The following MRPL13 variants were observed in gnomAD, a reference collection of about 807,000 sequenced individuals.
The protein encoded by MRPL13 is mitochondrial ribosomal protein L13.
MRPL13 carries 33 observed loss-of-function variants against 29.0 expected under a neutral mutation model. The ratio of observed to expected loss-of-function variants is 1.14; its 90% CI spans 0.86 to 1.52. MRPL13 has a LOEUF of 1.52. Ranked by LOEUF, MRPL13 falls within the 40% of genes most tolerant of loss-of-function variation. MRPL13 has a pLI of 0.00. For synonymous variants in MRPL13, 77 were observed against 68.4 expected (o/e 1.13, Z -0.62); for missense variants, 227 against 216.7 (o/e 1.05, Z -0.30).
intron 3 of MRPL13, among the ~76,000 whole-genome samples, chr8:120,427,802 GA>G (rs971370781): frequency 1.6e-4 from 24 of 150,990 alleles, no homozygotes; most frequent in Middle Eastern, 3.4e-3. Flanking sequence ...CATCTCAAAA[GA>G]AAAAAAACTT....
Position 120,419,904 on chromosome 8 carries a change from T to G in MRPL13, c.341A>C (p.Lys114Thr). ...VKLAIYGMLP[K>T]NLHRRTMMER... ...CATCATTGTTCTTCTGTGAAGGTTT[T>G]TTGGCAGCATGCCATAAATAGCTAG... Residue 114 changes from lysine (K) to threonine (T), a missense_variant, in exon 5 of 7, where the codon AAA becomes ACA. By Grantham distance (78) the Lys-to-Thr change is moderately conservative. Transcript: ENST00000306185. The G allele has an allele frequency of 6.3e-7, 1 of 1,596,700 alleles. No homozygotes were observed. Among genetic ancestry groups the G allele is most frequent in the Non-Finnish European group, 8.5e-7 (1 of 1,171,718 alleles).
intron 6 of MRPL13, among the ~76,000 whole-genome samples, chr8:120,409,277 T>C (rs181906181): frequency 6.6e-6 from 1 of 152,216 alleles, no homozygotes; most frequent in Non-Finnish European, 1.5e-5. Context: ...TCAAGTTGAA[T>C]TTTTTCACAT....
At chr8:120,425,477 T>G (rs1812922410) in intron 3 of MRPL13, 111 bp from the exon 4 acceptor site, 7 of 708,490 alleles carry the variant, frequency 9.9e-6, no homozygotes, top group Non-Finnish European at 1.6e-5. Flanking sequence ...TCGAAACTGC[T>G]TTTCATTAGT....
intron 4 of MRPL13, among the ~76,000 whole-genome samples, chr8:120,423,378 C>T (rs1008720728): frequency 2.0e-5 from 3 of 151,820 alleles, no homozygotes; most frequent in African/African-American, 7.3e-5. Context: ...GATTTAAGAG[C>T]TAACACATTT....
intron 6 of MRPL13, 46 bp downstream of exon 6, chr8:120,413,945 A>G: frequency 6.8e-7 from 1 of 1,461,966 alleles, no homozygotes. Context: ...TTGAGGAAAC[A>G]GAGGATATCA....
intron 6 of MRPL13, among the ~76,000 whole-genome samples, chr8:120,412,809 G>C (rs938528729): frequency 1.3e-5 from 2 of 152,166 alleles, no homozygotes; most frequent in African/African-American, 4.8e-5. Flanking sequence ...CATTCCAGCA[G>C]AGTTAGGAGC....
chr8:120,404,238 C>G (rs1378157640), intron 6 of MRPL13, among the ~76,000 whole-genome samples: 1 of 152,102 alleles, frequency 6.6e-6, no homozygotes, highest in Non-Finnish European at 1.5e-5. Flanking sequence ...TAAGTTAATG[C>G]CCCACAAGAA....
At chr8:120,440,755 G>A (rs1219833852) in intron 2 of MRPL13, among the ~76,000 whole-genome samples, 1 of 151,698 alleles carries the variant, frequency 6.6e-6, no homozygotes, top group African/African-American at 2.4e-5. Context: ...AAGAAAGTCA[G>A]AAAGGTAACA....
chr8:120,400,051 C>T (rs1812573201), intron 6 of MRPL13, among the ~76,000 whole-genome samples: 3 of 152,056 alleles, frequency 2.0e-5, no homozygotes, highest in African/African-American at 7.2e-5. Context: ...CTTTAATGCC[C>T]CACTGACAAT....
chr8:120,397,820 AAGG>A (rs1469839011), intron 6 of MRPL13, among the ~76,000 whole-genome samples: 1 of 152,056 alleles, frequency 6.6e-6, no homozygotes, highest in Non-Finnish European at 1.5e-5. Flanking sequence ...CAGTCTAGAC[AAGG>A]AGGAGTCTAC....
At chr8:120,437,796 T>C (rs954151426) in intron 2 of MRPL13, among the ~76,000 whole-genome samples, 2 of 152,314 alleles carry the variant, frequency 1.3e-5, no homozygotes, top group African/African-American at 4.8e-5. Context: ...CAGTACATTA[T>C]TTGTTAATTT....
chr8:120,429,356 G>A (rs1300179312), intron 3 of MRPL13, among the ~76,000 whole-genome samples: 16 of 152,060 alleles, frequency 1.1e-4, no homozygotes, highest in Admixed American at 1.0e-3. Context: ...GGAGGGTGGA[G>A]GGTGGGAGTA....
At chr8:120,436,560 A>G (rs891972284) in intron 2 of MRPL13, among the ~76,000 whole-genome samples, 1 of 151,908 alleles carries the variant, frequency 6.6e-6, no homozygotes, top group African/African-American at 2.4e-5. Context: ...TCTTTTGTTG[A>G]TGATGTGGTT....
At chr8:120,440,853 G>A (rs1013931613) in intron 2 of MRPL13, among the ~76,000 whole-genome samples, 2 of 152,118 alleles carry the variant, frequency 1.3e-5, no homozygotes, top group Admixed American at 6.5e-5. Context: ...AAAGAATTAC[G>A]TGGAGGCAAT....
intron 6 of MRPL13, among the ~76,000 whole-genome samples, chr8:120,408,111 A>T (rs1401138309): frequency 2.0e-5 from 3 of 152,218 alleles, no homozygotes; most frequent in Non-Finnish European, 4.4e-5. Context: ...CACCATCCTG[A>T]TCCGAAAAAG....
intron 6 of MRPL13, among the ~76,000 whole-genome samples, chr8:120,397,944 G>C (rs2130446564): frequency 6.6e-6 from 1 of 152,248 alleles, no homozygotes; most frequent in East Asian, 1.9e-4. Context: ...GCAACTCCAG[G>C]AATTTCAGGA....
At chr8:120,408,975 C>T (rs1416335336) in intron 6 of MRPL13, among the ~76,000 whole-genome samples, 1 of 152,136 alleles carries the variant, frequency 6.6e-6, no homozygotes, top group Admixed American at 6.5e-5. Flanking sequence ...ATATTGAACT[C>T]CCTAATCCTC....
chr8:120,444,188 C>T (rs1182880131), intron 1 of MRPL13, among the ~76,000 whole-genome samples: 1 of 152,010 alleles, frequency 6.6e-6, no homozygotes, highest in East Asian at 1.9e-4. Context: ...AAATGCTGGG[C>T]GATGTCAGAT....
chr8:120,411,083 G>A (rs1368468206), intron 6 of MRPL13, among the ~76,000 whole-genome samples: 2 of 151,080 alleles, frequency 1.3e-5, no homozygotes, highest in African/African-American at 2.4e-5. Flanking sequence ...CCCTTCTCTC[G>A]ACAAGTCTTG....
Sources: gnomAD v4.1 joint callset for allele counts (sites outside exome capture counted in the v4.1 genomes callset) on GRCh38, gnomAD v4.1.1 for gene constraint, MANE v1.5 for transcripts, NCBI Gene and HGNC (gene_info 2026-07-23, HGNC 2026-07-21) for gene names.